KAZN: variants seen among roughly 807,000 people sequenced by gnomAD.
KAZN encodes the protein kazrin.
KAZN carries 40 observed loss-of-function variants against 87.4 expected under a neutral mutation model. That is an observed-to-expected ratio of 0.46 (90% CI 0.36 to 0.60). The LOEUF (loss-of-function observed/expected upper bound fraction) is 0.60, where lower values mean the gene tolerates loss of function less well. KAZN is among the 20% of genes least tolerant of loss of function. The pLI is 0.00. For synonymous variants in KAZN, 466 were observed against 458.3 expected (o/e 1.02, Z -0.22); for missense variants, 898 against 1,073.9 (o/e 0.84, Z 2.29).
At chr1:15,076,843 C>T (rs558503768) in intron 8 of KAZN, among the ~76,000 whole-genome samples, 1 of 152,372 alleles carries the variant, frequency 6.6e-6, no homozygotes, top group Admixed American at 6.5e-5. Flanking sequence ...GATCAGCACC[C>T]ACTGCAAACA....
chr1:14,509,744 T>C (rs1330361264), intron 2 of KAZN, among the ~76,000 whole-genome samples: 2 of 151,760 alleles, frequency 1.3e-5, no homozygotes, highest in East Asian at 3.9e-4. Flanking sequence ...AGCAAGCAGA[T>C]GAAAAATAAA....
intron 2 of KAZN, among the ~76,000 whole-genome samples, chr1:14,419,886 C>T (rs1271208009): frequency 6.6e-6 from 1 of 152,078 alleles, no homozygotes; most frequent in Admixed American, 6.6e-5. Flanking sequence ...GACAGTGAGA[C>T]CCCAAAGAGC....
chr1:14,600,032 G>A (rs1373184124), intron 1 of KAZN, among the ~76,000 whole-genome samples: 1 of 152,126 alleles, frequency 6.6e-6, no homozygotes, highest in African/African-American at 2.4e-5. Flanking sequence ...AGGCGGATGG[G>A]GCATTCCCTA....
At chr1:14,799,718 G>A (rs3930209) in intron 1 of KAZN, among the ~76,000 whole-genome samples, 37,389 of 151,942 alleles carry the variant, frequency 0.25, 4,863 homozygotes, top group East Asian at 0.47. Context: ...ATTAACAAGC[G>A]GATTTTACTT....
intron 1 of KAZN, among the ~76,000 whole-genome samples, chr1:14,881,026 C>T (rs188991391): frequency 1.9e-3 from 286 of 152,312 alleles, no homozygotes; most frequent in African/African-American, 6.5e-3. Flanking sequence ...GTCCAGCATG[C>T]CTTGTGCTCC....
chr1:14,529,319 G>C (rs1476552938), intron 2 of KAZN, among the ~76,000 whole-genome samples: 1 of 152,098 alleles, frequency 6.6e-6, no homozygotes, highest in Admixed American at 6.6e-5. Flanking sequence ...ATAAATAATT[G>C]TCTTTCTTGT....
intron 2 of KAZN, among the ~76,000 whole-genome samples, chr1:14,413,965 G>T (rs564461881): frequency 6.6e-6 from 1 of 152,292 alleles, no homozygotes; most frequent in African/African-American, 2.4e-5. Flanking sequence ...AGTAATCAGG[G>T]AAGTGCAAAG....
At chr1:14,071,670 C>T (rs926298813) in intron 1 of KAZN, among the ~76,000 whole-genome samples, 12 of 152,144 alleles carry the variant, frequency 7.9e-5, no homozygotes, top group Admixed American at 6.5e-4. Context: ...GTGTCGCTAG[C>T]GGGCACCTCC....
chr1:14,845,270 G>T (rs1648591077), intron 1 of KAZN, among the ~76,000 whole-genome samples: 1 of 150,354 alleles, frequency 6.7e-6, no homozygotes, highest in Admixed American at 6.6e-5. Flanking sequence ...TGGGTGGATG[G>T]ATGGATGAGT....
intron 2 of KAZN, among the ~76,000 whole-genome samples, chr1:14,995,903 C>T (rs1335307774): frequency 6.6e-6 from 1 of 152,106 alleles, no homozygotes; most frequent in Non-Finnish European, 1.5e-5. Flanking sequence ...AAATTTGTTA[C>T]CACCATTTAA....
At chr1:14,740,184 G>A (rs182028548) in intron 1 of KAZN, among the ~76,000 whole-genome samples, 2 of 152,172 alleles carry the variant, frequency 1.3e-5, no homozygotes, top group South Asian at 2.1e-4. Flanking sequence ...GGCAGCTGTG[G>A]CTTAGACATC....
Position 15,056,121 on chromosome 1 carries a change from G to A in KAZN, c.757G>A (p.Asp253Asn). 6.2e-7 allele frequency: 1 copy of A among 1,613,690 alleles called. No homozygotes were observed. The highest frequency in any genetic ancestry group is 8.5e-7 in the Non-Finnish European group (1 of 1,179,660). Residue 253 changes from aspartate (D) to asparagine (N), a missense_variant, in exon 5 of 15, where the codon GAC becomes AAC. Coordinates refer to ENST00000376030, the MANE Select transcript of KAZN (RefSeq NM_201628.3). The surrounding 1 kb of genome is among the most constrained non-coding windows in gnomAD (Gnocchi z 5.4). ...ACAGTCCTTAGCTACGCTGACCAAG[G>A]ACGTCCCCAAGCGGCATTCCCTCGC... ...AKQSLATLTKDVPKRHSLAMP... is the reference protein window; with the variant it reads ...AKQSLATLTKNVPKRHSLAMP...
At chr1:14,332,236 A>G (rs1271575238) in intron 2 of KAZN, among the ~76,000 whole-genome samples, 1 of 152,182 alleles carries the variant, frequency 6.6e-6, no homozygotes, top group African/African-American at 2.4e-5. Context: ...CCATTCTTCC[A>G]TCAGTGATGC....
intron 2 of KAZN, among the ~76,000 whole-genome samples, chr1:14,478,269 GGAAGA>G (rs1668875770): frequency 7.1e-6 from 1 of 140,032 alleles, no homozygotes; most frequent in African/African-American, 2.6e-5. Context: ...AAGGAAGGAA[GGAAGA>G]AAGGAAGGAA....
At chr1:14,626,701 G>A (rs767830307) in intron 1 of KAZN, among the ~76,000 whole-genome samples, 1 of 152,026 alleles carries the variant, frequency 6.6e-6, no homozygotes, top group Non-Finnish European at 1.5e-5. Context: ...ACTCCTTACC[G>A]TGGCTCCTGA....
chr1:14,613,563 G>C (rs1006511849), intron 1 of KAZN, among the ~76,000 whole-genome samples: 2 of 152,180 alleles, frequency 1.3e-5, no homozygotes, highest in Non-Finnish European at 2.9e-5. Context: ...GCTATCTGTT[G>C]GAGAAAATAC....
chr1:14,801,289 A>G (rs911088540), intron 1 of KAZN, among the ~76,000 whole-genome samples: 2 of 152,108 alleles, frequency 1.3e-5, no homozygotes, highest in African/African-American at 4.8e-5. Context: ...TCCTGAGTCC[A>G]GGGAGTCAAA....
At chr1:14,674,275 T>G (rs1018860632) in intron 1 of KAZN, among the ~76,000 whole-genome samples, 1 of 152,264 alleles carries the variant, frequency 6.6e-6, no homozygotes, top group African/African-American at 2.4e-5. Flanking sequence ...CCCTGTTTTA[T>G]GCCAAGAAGA....
intron 8 of KAZN, among the ~76,000 whole-genome samples, chr1:15,069,601 TG>T (rs1639417822): frequency 6.6e-6 from 1 of 152,368 alleles, no homozygotes; most frequent in Non-Finnish European, 1.5e-5. Context: ...CGCTCCAACC[TG>T]GGTGACAGAG....
Sources: allele counts gnomAD v4.1 joint callset (sites outside exome capture counted in the v4.1 genomes callset), GRCh38; gene constraint gnomAD v4.1.1; non-coding constraint Gnocchi (gnomAD v3.1); transcripts MANE v1.5; gene names NCBI Gene and HGNC (gene_info 2026-07-23, HGNC 2026-07-21).